The following ZNF407 variants were observed in gnomAD, a reference collection of about 807,000 sequenced individuals.
ZNF407 encodes zinc finger protein 407.
A neutral mutation model predicts 131.2 loss-of-function variants in ZNF407; 17 were observed. That is an observed-to-expected ratio of 0.13 (90% confidence interval 0.09 to 0.19). The LOEUF is 0.19. Among genes scored for constraint, ZNF407 ranks in the 10% least tolerant of loss-of-function variants. ZNF407 has a pLI of 1.00. For missense variants in ZNF407, 2,681 were observed against 2,830.6 expected, an observed-to-expected ratio of 0.95 and a Z score of 1.20; for synonymous variants, 1,156 against 1,062.0, an observed-to-expected ratio of 1.09 and a Z score of -1.72.
intron 3 of ZNF407, among the ~76,000 whole-genome samples, chr18:74,709,553 C>G (rs1967708146): frequency 6.6e-6 from 1 of 152,176 alleles, no homozygotes; most frequent in South Asian, 2.1e-4. Flanking sequence ...AACATTTATC[C>G]AGCATGGCTA....
intron 4 of ZNF407, among the ~76,000 whole-genome samples, chr18:74,823,514 A>C (rs1039881132): frequency 6.6e-6 from 1 of 152,068 alleles, no homozygotes; most frequent in Non-Finnish European, 1.5e-5. Context: ...GGGATGGAGG[A>C]ATATTTACCA....
chr18:74,810,762 A>G (rs2145087481), intron 4 of ZNF407, among the ~76,000 whole-genome samples: 1 of 152,306 alleles, frequency 6.6e-6, no homozygotes, highest in African/African-American at 2.4e-5. Flanking sequence ...AGGATTCCCT[A>G]TTTAATAAAT....
At chr18:74,964,603 G>GTTTTGTTTTTT (rs1599267427) in intron 8 of ZNF407, among the ~76,000 whole-genome samples, 1 of 143,414 alleles carries the variant, frequency 7.0e-6, no homozygotes, top group Admixed American at 7.1e-5. Flanking sequence ...TTTTTTTTGG[G>GTTTTGTTTTTT]TCTTCTGAAC....
In ZNF407 at chr18:75,064,027, C is replaced by T; in HGVS notation, c.6306C>T (p.Val2102=). Residue 2102 remains valine, a synonymous_variant, in exon 9 of 9, where the codon GTC becomes GTT. Transcript: ENST00000299687. ...CCGGCCAGTTGGTCAAGGACGGTGT[C>T]ACCCAGGTGGTGGTGAGCGAAGAGG... ...AAAGQLVKDG[V]TQVVVSEEGA... is the part of the protein sequence containing the mutation. 1 of 1,604,838 alleles carries T rather than the reference C, an allele frequency of 6.2e-7. No individual in the cohort carries two copies. The highest frequency in any genetic ancestry group is 8.5e-7 in the Non-Finnish European group (1 of 1,176,136).
intron 8 of ZNF407, among the ~76,000 whole-genome samples, chr18:74,982,068 G>C (rs1165924384): frequency 6.6e-6 from 1 of 152,236 alleles, no homozygotes; most frequent in Non-Finnish European, 1.5e-5. Context: ...TTGGTTTTCA[G>C]AGAGCTACCA....
intron 5 of ZNF407, among the ~76,000 whole-genome samples, chr18:74,877,800 C>T (rs1182170170): frequency 6.6e-6 from 1 of 152,028 alleles, no homozygotes; most frequent in Non-Finnish European, 1.5e-5. Flanking sequence ...TTTTATGTAC[C>T]GTTTTAAGAA....
At chr18:74,657,109 G>T in intron 3 of ZNF407, among the ~76,000 whole-genome samples, 3 of 138,952 alleles carry the variant, frequency 2.2e-5, no homozygotes, top group African/African-American at 5.4e-5. Context: ...TAATTTAAGT[G>T]TCTGTGTAGT....
chr18:74,871,826 T>C (rs542915239), intron 4 of ZNF407, among the ~76,000 whole-genome samples: 15 of 152,158 alleles, frequency 9.9e-5, no homozygotes, highest in African/African-American at 3.6e-4. Flanking sequence ...CTTTGGAAGA[T>C]ATTAACATAT....
At chr18:74,795,803 G>A (rs568195004) in intron 4 of ZNF407, among the ~76,000 whole-genome samples, 1 of 152,302 alleles carries the variant, frequency 6.6e-6, no homozygotes, top group South Asian at 2.1e-4. Context: ...CCCACATTTC[G>A]TAAATGACGG....
chr18:74,659,348 T>C (rs1295464870), intron 3 of ZNF407, among the ~76,000 whole-genome samples: 2 of 152,196 alleles, frequency 1.3e-5, no homozygotes, highest in Non-Finnish European at 1.5e-5. Flanking sequence ...GCATATAAAA[T>C]ATATCTATTT....
At chr18:74,997,643 G>A (rs779136122) in intron 8 of ZNF407, among the ~76,000 whole-genome samples, 1 of 152,082 alleles carries the variant, frequency 6.6e-6, no homozygotes, top group Non-Finnish European at 1.5e-5. Flanking sequence ...TTGGAATGTT[G>A]GGGACAGAGC....
At position 74,634,106 on chromosome 18, in the gene ZNF407, T is replaced by G; in HGVS notation, c.3087T>G (p.Ser1029=). ...CLHCEFSAHS[S]ASLELHVKRK... ...ACTGTGAGTTTAGTGCTCACTCCTC[T>G]GCTTCTCTAGAGCTGCATGTAAAAC... Residue 1029 remains serine, a synonymous_variant, in exon 2 of 9, where the codon TCT becomes TCG. Transcript: ENST00000299687. The G allele has an allele frequency of 6.2e-7, 1 of 1,614,058 alleles. No individual in the cohort carries two copies. Among genetic ancestry groups the G allele is most frequent in the Non-Finnish European group, 8.5e-7 (1 of 1,179,910 alleles).
At chr18:74,970,689 T>C (rs1972462504) in intron 8 of ZNF407, among the ~76,000 whole-genome samples, 1 of 152,198 alleles carries the variant, frequency 6.6e-6, no homozygotes, top group African/African-American at 2.4e-5. Context: ...TCCTGGCTGC[T>C]TTCCTGGGCT....
chr18:74,791,691 T>C (rs1166614627), intron 4 of ZNF407, among the ~76,000 whole-genome samples: 1 of 152,164 alleles, frequency 6.6e-6, no homozygotes, highest in East Asian at 1.9e-4. Flanking sequence ...TAGATTCCAT[T>C]CCAAATAGTC....
intron 3 of ZNF407, among the ~76,000 whole-genome samples, chr18:74,718,428 G>A (rs563103): frequency 0.32 from 48,085 of 151,742 alleles, 8,736 homozygotes; most frequent in African/African-American, 0.51. Context: ...GGAGGCTGAG[G>A]TGGAAGGATC....
At chr18:75,054,418 C>G (rs973850087) in intron 8 of ZNF407, among the ~76,000 whole-genome samples, 1 of 152,082 alleles carries the variant, frequency 6.6e-6, no homozygotes, top group African/African-American at 2.4e-5. Flanking sequence ...TATGAAGATA[C>G]TATAATATAA....
intron 6 of ZNF407, 106 bp from the exon 7 acceptor site, chr18:74,889,812 G>A (rs1049142278): frequency 2.8e-5 from 29 of 1,033,640 alleles, no homozygotes; most frequent in Non-Finnish European, 3.5e-5. Context: ...TCATATTCTT[G>A]ACATTTCATG....
At position 75,021,270 on chromosome 18, in the gene ZNF407, T is replaced by A. The variant is rs115900828; in HGVS notation, c.5429-41880T>A. On this transcript the variant is annotated intron_variant, in intron 8 of 8. Transcript: ENST00000299687. ...TATATAATACATTATACATTCTTTT[T>A]AAAAAAAAAAATAATAAAGACAGGG... Among the ~76,000 whole-genome samples, 466 of 149,358 alleles carry A rather than the reference T, an allele frequency of 3.1e-3. 3 individuals carry two copies. The highest frequency in any genetic ancestry group is 9.2e-3 in the African/African-American group (374 of 40,784).
chr18:75,063,409 C>A lies in ZNF407; in HGVS notation c.5688C>A (p.Ala1896=). ...CCACGCTGCAGACGCTGGCCATGGC[C>A]GGCCAGGTGGCCCGGGTGGTGCATA... The part of the protein sequence containing the change: ...AAATLQTLAM[A]GQVARVVHIT... The change falls in exon 9 of 9, where the codon GCC becomes GCA. Residue 1896 remains alanine, a synonymous_variant. Transcript: ENST00000299687. The surrounding 1 kb of genome is among the most constrained non-coding windows in gnomAD (Gnocchi z 6.6). The A allele has an allele frequency of 6.2e-7, 1 of 1,610,756 alleles. No homozygotes were observed. Among genetic ancestry groups the A allele is most frequent in the Non-Finnish European group, 8.5e-7 (1 of 1,178,920 alleles).
Sources: allele counts gnomAD v4.1 joint callset (sites outside exome capture counted in the v4.1 genomes callset), GRCh38; gene constraint gnomAD v4.1.1; non-coding constraint Gnocchi (gnomAD v3.1); transcripts MANE v1.5; gene names NCBI Gene and HGNC (gene_info 2026-07-23, HGNC 2026-07-21).